Variants in RPA1 observed in about 807,000 individuals in gnomAD.
RPA1 encodes the protein replication protein A 70 kDa DNA-binding subunit.
In RPA1, 49 loss-of-function variants were observed where a neutral mutation model predicts 83.0. The observed-to-expected ratio is 0.59, with a 90% confidence interval of 0.47 to 0.75. The LOEUF (loss-of-function observed/expected upper bound fraction) is 0.75. RPA1 is among the 30% of genes least tolerant of loss of function. RPA1 has a pLI of 0.00. For missense variants in RPA1, 693 were observed against 776.1 expected (o/e 0.89, Z 1.27); for synonymous variants, 279 against 281.8 (o/e 0.99, Z 0.10).
chr17:1,858,308 C>A, intron 5 of RPA1: 1 of 1,610,376 alleles, frequency 6.2e-7, no homozygotes, highest in Non-Finnish European at 8.5e-7. Context: ...AGAGAGACCC[C>A]TGCACTCAAA....
At chr17:1,864,607 A>ATTAGTAGGGT in intron 5 of RPA1, among the ~76,000 whole-genome samples, 1 of 152,096 alleles carries the variant, frequency 6.6e-6, no homozygotes, top group East Asian at 1.9e-4. Flanking sequence ...AACTTTTACT[A>ATTAGTAGGGT]TTAGTAGGGT....
At chr17:1,858,596 T>C (rs565912570) in intron 5 of RPA1, 1 of 608,466 alleles carries the variant, frequency 1.6e-6, no homozygotes. Context: ...CCTGAGTAGC[T>C]GGGACTATTG....
At chr17:1,852,280 A>T (rs1018628901) in intron 4 of RPA1, among the ~76,000 whole-genome samples, 1 of 152,234 alleles carries the variant, frequency 6.6e-6, no homozygotes, top group Admixed American at 6.6e-5. Flanking sequence ...TGAACATATA[A>T]TTAAGACGGA....
chr17:1,849,355 C>T (rs1260804753), intron 4 of RPA1, among the ~76,000 whole-genome samples: 1 of 134,460 alleles, frequency 7.4e-6, no homozygotes, highest in Non-Finnish European at 1.5e-5. Flanking sequence ...TGCAGTGGTG[C>T]GATCTCGGCT....
chr17:1,843,598 C>CATTATTATTATTATT (rs139126914), intron 2 of RPA1, among the ~76,000 whole-genome samples: 1,772 of 141,078 alleles, frequency 0.013, 13 homozygotes, highest in East Asian at 0.03. Context: ...TTGGGTGCTT[C>CATTATTATTATTATT]ATTATTATTA....
intron 4 of RPA1, among the ~76,000 whole-genome samples, chr17:1,848,849 C>T (rs552097957): frequency 3.0e-4 from 46 of 152,182 alleles, no homozygotes; most frequent in African/African-American, 1.1e-3. Flanking sequence ...CAGGTGTGAG[C>T]CACCGCACCC....
At chr17:1,894,761 T>C (rs777835336) in intron 15 of RPA1, among the ~76,000 whole-genome samples, 3 of 152,172 alleles carry the variant, frequency 2.0e-5, no homozygotes, top group Non-Finnish European at 4.4e-5. Flanking sequence ...TAGCTCCTTT[T>C]CCAAAACCCT....
At chr17:1,888,530 T>C in intron 13 of RPA1, 145 bp from the exon 14 acceptor site, 1 of 739,360 alleles carries the variant, frequency 1.4e-6, no homozygotes, top group Non-Finnish European at 2.1e-6. Flanking sequence ...AACTACAGAA[T>C]GAATGATTCC....
chr17:1,881,764 C>A (rs1913807982), intron 12 of RPA1, among the ~76,000 whole-genome samples: 1 of 152,130 alleles, frequency 6.6e-6, no homozygotes, highest in Non-Finnish European at 1.5e-5. Context: ...CGGCTGTCCC[C>A]AGAATAAAAT....
At chr17:1,838,809 T>C (rs1905732030) in intron 1 of RPA1, among the ~76,000 whole-genome samples, 1 of 152,138 alleles carries the variant, frequency 6.6e-6, no homozygotes, top group African/African-American at 2.4e-5. Flanking sequence ...GAAAACACTA[T>C]CCCATTTCAT....
chr17:1,879,780 T>C, intron 11 of RPA1, 81 bp downstream of exon 11: 2 of 1,559,658 alleles, frequency 1.3e-6, no homozygotes, highest in Non-Finnish European at 1.8e-6. Flanking sequence ...GATGGGGCCT[T>C]CAGCACACAC....
chr17:1,877,661 G>A (rs955468782), intron 8 of RPA1, among the ~76,000 whole-genome samples: 11 of 152,198 alleles, frequency 7.2e-5, no homozygotes, highest in African/African-American at 2.7e-4. Context: ...TCCTGGGCAG[G>A]AGAAGCTGGA....
rs1310356154 is a variant in RPA1 at position 1,889,144 on chromosome 17, G to A, written c.1551+293G>A. Among the ~76,000 whole-genome samples, 4 of 152,260 alleles carry A rather than the reference G, an allele frequency of 2.6e-5. No individual in the cohort carries two copies. The South Asian group carries it at 6.2e-4, about 24-fold the overall frequency. On this transcript the variant is annotated intron_variant, in intron 14 of 16. Transcript: ENST00000254719. Reference sequence around the variant, plus strand: ...ACGGCATTTATAGACAGCACTAATTGTACTTACACAGCCAATGCCCGTATT... The same window carrying A: ...ACGGCATTTATAGACAGCACTAATTATACTTACACAGCCAATGCCCGTATT...
At chr17:1,834,655 A>G (rs1168729091) in intron 1 of RPA1, among the ~76,000 whole-genome samples, 1 of 152,192 alleles carries the variant, frequency 6.6e-6, no homozygotes, top group Non-Finnish European at 1.5e-5. Context: ...TATCTTAATT[A>G]TATAACGAAA....
intron 7 of RPA1, among the ~76,000 whole-genome samples, chr17:1,876,206 A>C (rs1446351969): frequency 6.6e-6 from 1 of 152,198 alleles, no homozygotes; most frequent in Non-Finnish European, 1.5e-5. Context: ...ATTTGTATTA[A>C]ACACATGAAC....
Position 1,834,586 on chromosome 17 carries a change from A to G in RPA1, c.33+4460A>G, listed in dbSNP as rs545296278. 8.5e-5 allele frequency among the ~76,000 whole-genome samples: 13 copies of G among 152,384 alleles called. No individual in the cohort carries two copies. In the South Asian group the frequency reaches 2.3e-3, roughly 27 times the overall value. On this transcript the variant is annotated intron_variant, in intron 1 of 16. Coordinates refer to ENST00000254719, the MANE Select transcript of RPA1 (RefSeq NM_002945.5). The stretch of plus-strand genomic sequence containing the variant: ...GTGAAGGCGTTTGGGCAAGAGTCAC[A>G]TGATAAAATAAGAGATGATGCATAG...
Position 1,879,351 on chromosome 17 carries a change from A to G in RPA1, c.896A>G (p.Gln299Arg). 1.2e-6 allele frequency: 2 copies of G among 1,614,174 alleles called. No individual in the cohort carries two copies. The highest frequency in any genetic ancestry group is 1.7e-6 in the Non-Finnish European group (2 of 1,180,032). ...CEDDHHLPTV[Q>R]FDFTGIDDLE... The stretch of plus-strand genomic sequence containing the variant: ...GACGACCATCATTTACCTACGGTTC[A>G]GTTTGATTTCACGGGGATTGATGAC... The change falls in exon 10 of 17, where the codon CAG becomes CGG. Residue 299 changes from glutamine to arginine, a missense_variant. Physicochemically the swap from Gln to Arg is conservative, Grantham distance 43 (BLOSUM62 1). Coordinates refer to ENST00000254719, the MANE Select transcript of RPA1 (RefSeq NM_002945.5).
chr17:1,876,494 G>T (rs1913578871), intron 7 of RPA1, among the ~76,000 whole-genome samples: 1 of 152,208 alleles, frequency 6.6e-6, no homozygotes. Flanking sequence ...GGCGGAGGTT[G>T]CAGTGAGCCA....
intron 4 of RPA1, among the ~76,000 whole-genome samples, chr17:1,848,621 A>G (rs184286878): frequency 1.3e-4 from 19 of 150,732 alleles, no homozygotes; most frequent in Non-Finnish European, 1.9e-4. Flanking sequence ...CTGGAGTGCA[A>G]TGGTGCCATC....
Sources: allele counts gnomAD v4.1 joint callset (sites outside exome capture counted in the v4.1 genomes callset), GRCh38; gene constraint gnomAD v4.1.1; transcripts MANE v1.5; gene names NCBI Gene and HGNC (gene_info 2026-07-23, HGNC 2026-07-21).